The following LAMA4 variants were observed in gnomAD, a reference collection of about 807,000 sequenced individuals.
LAMA4 encodes the protein laminin subunit alpha-4.
LAMA4 carries 127 observed loss-of-function variants against 207.1 expected under a neutral mutation model. The ratio of observed to expected loss-of-function variants is 0.61; its 90% CI spans 0.53 to 0.71. LAMA4 has a LOEUF of 0.71. Among genes scored for constraint, LAMA4 ranks in the 30% least tolerant of loss-of-function variants. The pLI is 0.00. For missense variants in LAMA4, 2,093 were observed against 2,246.5 expected (o/e 0.93, Z 1.38); for synonymous variants, 761 against 816.0 (o/e 0.93, Z 1.15).
intron 13 of LAMA4, chr6:112,159,115 A>T: frequency 4.0e-6 from 2 of 504,862 alleles, no homozygotes; most frequent in East Asian, 7.2e-5. Context: ...ATGCTCTACC[A>T]TTTCAGACCT....
intron 5 of LAMA4, among the ~76,000 whole-genome samples, chr6:112,194,257 C>T (rs574494580): frequency 1.5e-4 from 23 of 152,316 alleles, no homozygotes; most frequent in Non-Finnish European, 2.9e-4. Context: ...CAATGTGTGG[C>T]TGGGAATCTT....
At chr6:112,155,486 G>A in intron 15 of LAMA4, 79 bp downstream of exon 15, 1 of 1,497,950 alleles carries the variant, frequency 6.7e-7, no homozygotes, top group Non-Finnish European at 9.3e-7. Flanking sequence ...TTTCACACTG[G>A]AAGTTCAAGA....
intron 31 of LAMA4, among the ~76,000 whole-genome samples, chr6:112,124,180 G>C (rs1264777550): frequency 1.3e-5 from 2 of 152,146 alleles, no homozygotes; most frequent in African/African-American, 4.8e-5. Context: ...TGAGAGTGAG[G>C]GTAGAGGACT....
At chr6:112,158,612 C>A in intron 14 of LAMA4, 120 bp downstream of exon 14, 1 of 1,019,782 alleles carries the variant, frequency 9.8e-7, no homozygotes, top group East Asian at 2.5e-5. Context: ...AACACATAAG[C>A]ATACCCAACC....
intron 22 of LAMA4, among the ~76,000 whole-genome samples, chr6:112,140,186 C>T (rs1361059770): frequency 6.6e-6 from 1 of 152,168 alleles, no homozygotes; most frequent in Non-Finnish European, 1.5e-5. Flanking sequence ...TATTCTTGTT[C>T]TCATATAATG....
At chr6:112,228,638 T>C (rs1341749829) in intron 2 of LAMA4, among the ~76,000 whole-genome samples, 7 of 152,218 alleles carry the variant, frequency 4.6e-5, no homozygotes, top group Non-Finnish European at 1.0e-4. Context: ...GAAAGCCTGT[T>C]ACACAAAGCC....
rs11332305 is a variant in LAMA4, at chr6:112,154,656, A to ATT, written c.2056+193_2056+194dup. ...GTTTCCATGTAGTTTACTACATAGC[A>ATT]TTTTTTTTTTCAATCACAATTTAAA... is the stretch of plus-strand genomic sequence containing the variant. On this transcript the variant is annotated intron_variant, in intron 16 of 38. Transcript: ENST00000230538. The ATT allele has an allele frequency of 0.018, 10,393 of 565,396 alleles. 565 individuals are homozygous for ATT. Among genetic ancestry groups the ATT allele is most frequent in the African/African-American group, 0.16 (8,295 of 52,486 alleles). 35.0% of individuals were successfully genotyped at this position (565,396 alleles called of 1,614,324 possible).
At chr6:112,141,151 CTT>C (rs144560300) in intron 21 of LAMA4, among the ~76,000 whole-genome samples, 1 of 149,810 alleles carries the variant, frequency 6.7e-6, no homozygotes, top group East Asian at 1.9e-4. Flanking sequence ...TTAGAAATGA[CTT>C]TTTTTTTTCT....
At chr6:112,222,654 A>G (rs781830311) in intron 2 of LAMA4, among the ~76,000 whole-genome samples, 18 of 151,994 alleles carry the variant, frequency 1.2e-4, no homozygotes, top group Non-Finnish European at 2.2e-4. Flanking sequence ...ACTCCTCAGC[A>G]CTCTTCATGG....
intron 31 of LAMA4, among the ~76,000 whole-genome samples, chr6:112,126,515 C>A (rs1371740796): frequency 6.6e-6 from 1 of 152,160 alleles, no homozygotes; most frequent in African/African-American, 2.4e-5. Context: ...TTTAATTATA[C>A]ACACACAAAA....
chr6:112,148,198 G>A lies in LAMA4; in HGVS notation c.2312C>T (p.Ser771Phe). The change falls in exon 18 of 39, where the codon TCT (serine) becomes TTT (phenylalanine). Residue 771 changes from serine to phenylalanine, a missense_variant. This residue lies in a region of LAMA4 where 1,704 missense variants were observed against 1,788.4 expected (regional missense o/e 0.95). Transcript: ENST00000230538. ...NWSQNLQHFD[S>F]SAYNTAVNSA... ...GTTCACTGCAGTGTTGTAAGCAGAA[G>A]AGTCAAAATGTTGAAGATTCTGTGA... is the stretch of plus-strand genomic sequence containing the variant. 6.2e-7 allele frequency: 1 copy of A among 1,614,174 alleles called. No homozygotes were observed.
At chr6:112,139,610 T>C (rs901148594) in intron 23 of LAMA4, 142 bp downstream of exon 23, 4 of 1,000,832 alleles carry the variant, frequency 4.0e-6, no homozygotes, top group Non-Finnish European at 6.2e-6. Flanking sequence ...AGGTGAAGAG[T>C]TTTTTGCAGG....
intron 2 of LAMA4, among the ~76,000 whole-genome samples, chr6:112,224,447 T>C (rs1209491549): frequency 6.6e-6 from 1 of 152,188 alleles, no homozygotes; most frequent in Non-Finnish European, 1.5e-5. Context: ...TGCTGATCCA[T>C]GCCTCCATCC....
In LAMA4 at chr6:112,107,977, T is replaced by C. The variant is rs1777518302; in HGVS notation, c.*1460A>G. On this transcript the variant is annotated 3_prime_UTR_variant, in exon 39 of 39. Transcript: ENST00000230538. ...TTAGCTTATCATGGTGGCTGGCACT[T>C]AGTAAGTCCTCTATGAACAGACATT... is the stretch of plus-strand genomic sequence containing the variant. Among the ~76,000 whole-genome samples, 5 of 152,144 alleles carry C rather than the reference T, an allele frequency of 3.3e-5. No individual in the cohort carries two copies. The highest frequency in any genetic ancestry group is 7.4e-5 in the Non-Finnish European group (5 of 67,982).
intron 2 of LAMA4, among the ~76,000 whole-genome samples, chr6:112,249,859 G>A (rs1367963584): frequency 1.3e-5 from 2 of 152,164 alleles, no homozygotes; most frequent in African/African-American, 2.4e-5. Context: ...TAAGTTTTGT[G>A]CCCTACTGGT....
intron 15 of LAMA4, 158 bp downstream of exon 15, chr6:112,155,407 C>A: frequency 1.4e-6 from 1 of 740,242 alleles, no homozygotes; most frequent in African/African-American, 1.8e-5. Context: ...CAGACTGAAA[C>A]CTTCAAGGCA....
At chr6:112,189,227 G>C (rs1372351204) in intron 6 of LAMA4, 22 bp from the exon 7 acceptor site, 2 of 1,540,464 alleles carry the variant, frequency 1.3e-6, no homozygotes, top group Middle Eastern at 1.7e-4. Context: ...AAAAACAAGA[G>C]ACGAGAAATG....
At chr6:112,120,856 G>T (rs1333881769) in intron 32 of LAMA4, among the ~76,000 whole-genome samples, 6 of 152,030 alleles carry the variant, frequency 3.9e-5, no homozygotes, top group Admixed American at 1.3e-4. Flanking sequence ...AGGATCACTT[G>T]AGCCTGGGAG....
intron 2 of LAMA4, among the ~76,000 whole-genome samples, chr6:112,227,885 A>C (rs1190198744): frequency 1.3e-5 from 2 of 151,546 alleles, no homozygotes; most frequent in Non-Finnish European, 3.0e-5. Flanking sequence ...TACATGTGCA[A>C]CTCAAAGGAC....
Sources: allele counts gnomAD v4.1 joint callset (sites outside exome capture counted in the v4.1 genomes callset), GRCh38; gene constraint gnomAD v4.1.1; regional missense constraint gnomAD v4.1.1; transcripts MANE v1.5; gene names NCBI Gene and HGNC (gene_info 2026-07-23, HGNC 2026-07-21).